The following EEPD1 variants were observed in gnomAD, a reference collection of about 807,000 sequenced individuals.
EEPD1 encodes endonuclease/exonuclease/phosphatase family domain-containing protein 1.
A neutral mutation model predicts 46.3 loss-of-function variants in EEPD1; 17 were observed. That is an observed-to-expected ratio of 0.37 (90% confidence interval 0.25 to 0.55). EEPD1 has a LOEUF of 0.55. EEPD1 is among the 20% of genes least tolerant of loss of function. The probability of loss-of-function intolerance (pLI) is 0.83; values close to 1 mark genes in which losing one functional copy is unlikely to be tolerated. For missense variants in EEPD1, 673 were observed against 745.6 expected (o/e 0.90, Z 1.13); for synonymous variants, 313 against 315.6 (o/e 0.99, Z 0.09).
chr7:36,289,013 G>A (rs529918025), intron 6 of EEPD1, among the ~76,000 whole-genome samples: 2 of 152,152 alleles, frequency 1.3e-5, no homozygotes, highest in African/African-American at 2.4e-5. Flanking sequence ...AGACTTCCTC[G>A]TTAAACTGGC....
intron 2 of EEPD1, among the ~76,000 whole-genome samples, chr7:36,198,058 GA>G (rs1785640110): frequency 6.6e-6 from 1 of 152,046 alleles, no homozygotes; most frequent in African/African-American, 2.4e-5. Flanking sequence ...TAGGTCAAGT[GA>G]AAATGCAGAA....
At chr7:36,155,669 A>G (rs562196118) in intron 2 of EEPD1, among the ~76,000 whole-genome samples, 46 of 152,338 alleles carry the variant, frequency 3.0e-4, no homozygotes, top group Admixed American at 1.8e-3. Flanking sequence ...GCAAACACAT[A>G]CAAGTGTCTA....
chr7:36,226,726 C>T (rs904037237), intron 2 of EEPD1, among the ~76,000 whole-genome samples: 1 of 152,074 alleles, frequency 6.6e-6, no homozygotes, highest in African/African-American at 2.4e-5. Flanking sequence ...ATTCAAATAA[C>T]CATTGAATCC....
intron 2 of EEPD1, among the ~76,000 whole-genome samples, chr7:36,192,877 G>T (rs990102154): frequency 6.6e-6 from 1 of 152,232 alleles, no homozygotes; most frequent in East Asian, 1.9e-4. Flanking sequence ...AGCCTGGTTG[G>T]GCTGCATGTT....
intron 2 of EEPD1, among the ~76,000 whole-genome samples, chr7:36,224,877 G>A (rs560955621): frequency 4.6e-5 from 7 of 152,110 alleles, no homozygotes; most frequent in Non-Finnish European, 8.8e-5. Context: ...TAAGGATCTT[G>A]AGGGGTATGG....
chr7:36,176,749 T>G (rs1219829131), intron 2 of EEPD1, among the ~76,000 whole-genome samples: 4 of 152,166 alleles, frequency 2.6e-5, no homozygotes, highest in African/African-American at 9.7e-5. Context: ...GACTCTATTA[T>G]AAATACGATC....
At chr7:36,172,045 C>CT (rs1217126385) in intron 2 of EEPD1, among the ~76,000 whole-genome samples, 3 of 152,102 alleles carry the variant, frequency 2.0e-5, no homozygotes, top group African/African-American at 7.2e-5. Context: ...TACTTGGGCC[C>CT]TTTTTCTCTG....
intron 3 of EEPD1, among the ~76,000 whole-genome samples, chr7:36,246,064 A>G (rs1321570136): frequency 1.3e-5 from 2 of 152,350 alleles, no homozygotes; most frequent in East Asian, 3.9e-4. Flanking sequence ...CTGCAAAGCC[A>G]CAAACAATAG....
At chr7:36,211,643 G>C (rs1387925699) in intron 2 of EEPD1, among the ~76,000 whole-genome samples, 1 of 152,118 alleles carries the variant, frequency 6.6e-6, no homozygotes, top group African/African-American at 2.4e-5. Context: ...TACCTTTTGT[G>C]GCTGGGCGTG....
chr7:36,298,414 C>T (rs1226526948), intron 7 of EEPD1, among the ~76,000 whole-genome samples: 1 of 152,194 alleles, frequency 6.6e-6, no homozygotes, highest in African/African-American at 2.4e-5. Context: ...GTCAATCCTG[C>T]ACTAAGGACC....
intron 3 of EEPD1, among the ~76,000 whole-genome samples, chr7:36,265,095 G>A (rs540561384): frequency 7.2e-5 from 11 of 152,146 alleles, no homozygotes; most frequent in Non-Finnish European, 1.5e-4. Flanking sequence ...GAGCAGAGCC[G>A]GCTGCATAAA....
At chr7:36,285,356 C>A (rs967762219) in intron 5 of EEPD1, among the ~76,000 whole-genome samples, 2 of 152,094 alleles carry the variant, frequency 1.3e-5, no homozygotes, top group African/African-American at 4.8e-5. Context: ...GGAGAAAGGC[C>A]TCTCAAGGGG....
intron 2 of EEPD1, among the ~76,000 whole-genome samples, chr7:36,236,133 G>C (rs1296150650): frequency 1.3e-5 from 2 of 152,172 alleles, no homozygotes; most frequent in Admixed American, 1.3e-4. Flanking sequence ...GTTGAGAGGT[G>C]ACAACATGCT....
intron 3 of EEPD1, among the ~76,000 whole-genome samples, chr7:36,271,798 CCTATTCTATTCTATTCTATT>C (rs60205065): frequency 0.021 from 2,730 of 132,408 alleles, 86 homozygotes; most frequent in African/African-American, 0.036. Context: ...ACATAAGCCT[CCTATTCTATTCTATTCTATT>C]CTATTCTATT....
In EEPD1 at chr7:36,197,514, C is replaced by T. The variant is rs934025370; in HGVS notation, c.879-41471C>T. On this transcript the variant is annotated intron_variant, in intron 2 of 7. Transcript: ENST00000242108. ...AAAGATTGAGAAATTGGATGGTTGCCGTGTCTGTGTAGAAAGAGGTAGACA... is the reference window on the plus strand; with the variant it reads ...AAAGATTGAGAAATTGGATGGTTGCTGTGTCTGTGTAGAAAGAGGTAGACA... 3.3e-5 allele frequency among the ~76,000 whole-genome samples: 5 copies of T among 152,146 alleles called. No homozygotes were observed. The South Asian group carries it at 6.2e-4, about 19-fold the overall frequency.
intron 7 of EEPD1, among the ~76,000 whole-genome samples, 179 bp from the exon 8 acceptor site, chr7:36,298,827 CT>C (rs1034551992): frequency 6.6e-6 from 1 of 152,370 alleles, no homozygotes; most frequent in African/African-American, 2.4e-5. Flanking sequence ...GAAAATCAAA[CT>C]GGCCGAGACC....
intron 3 of EEPD1, among the ~76,000 whole-genome samples, chr7:36,258,425 C>T (rs570944014): frequency 6.6e-5 from 10 of 152,370 alleles, no homozygotes; most frequent in African/African-American, 2.4e-4. Flanking sequence ...GCTGCACCCA[C>T]AGCCACCCCT....
intron 2 of EEPD1, among the ~76,000 whole-genome samples, chr7:36,208,012 C>T (rs1288264987): frequency 6.6e-6 from 1 of 152,070 alleles, no homozygotes; most frequent in Admixed American, 6.6e-5. Flanking sequence ...TGCGGCCCTC[C>T]AGGAACGGTG....
chr7:36,221,962 T>C (rs1185316696), intron 2 of EEPD1, among the ~76,000 whole-genome samples: 1 of 152,244 alleles, frequency 6.6e-6, no homozygotes, highest in Non-Finnish European at 1.5e-5. Flanking sequence ...CTGTCACTCA[T>C]ACTCCCTTAC....
Sources: gnomAD v4.1 joint callset for allele counts (sites outside exome capture counted in the v4.1 genomes callset) on GRCh38, gnomAD v4.1.1 for gene constraint, MANE v1.5 for transcripts, NCBI Gene and HGNC (gene_info 2026-07-23, HGNC 2026-07-21) for gene names.